The following RIC1 variants were observed in gnomAD, a reference collection of about 807,000 sequenced individuals.
RIC1 encodes the protein guanine nucleotide exchange factor subunit RIC1.
In RIC1, 88 loss-of-function variants were observed where a neutral mutation model predicts 169.0. The observed-to-expected ratio is 0.52, with a 90% confidence interval of 0.44 to 0.62. The LOEUF (loss-of-function observed/expected upper bound fraction) is 0.62. RIC1 is among the 20% of genes least tolerant of loss of function. RIC1 has a pLI of 0.00. For missense variants in RIC1, 1,877 were observed against 1,725.5 expected, an observed-to-expected ratio of 1.09 and a Z score of -1.56; for synonymous variants, 790 against 601.5, an observed-to-expected ratio of 1.31 and a Z score of -4.59.
At chr9:5,695,571 CTTTTTT>C (rs539521445) in intron 3 of RIC1, among the ~76,000 whole-genome samples, 1 of 128,746 alleles carries the variant, frequency 7.8e-6, no homozygotes. Context: ...ATTATTATAT[CTTTTTT>C]TTTTTTTTTT....
chr9:5,633,430 T>G (rs1364760940), intron 1 of RIC1, among the ~76,000 whole-genome samples: 5 of 152,178 alleles, frequency 3.3e-5, no homozygotes. Context: ...CACTCCCTTC[T>G]TGGAATGCTC....
rs369146757 is a variant in RIC1 at position 5,774,009 on chromosome 9, C to A, written c.4035C>A (p.Leu1345=). The change falls in exon 26 of 26, where the codon CTC becomes CTA. Residue 1345 remains leucine (L), a synonymous_variant. Transcript: ENST00000414202. ...TCATTAAGCCACAACTGCAGAAGCT[C>A]AGTGAGATAACAGAAGAGCAGGTCC... ...LNIIKPQLQK[L]SEITEEQVQP... 6 of 1,613,494 alleles carry A rather than the reference C, an allele frequency of 3.7e-6. No homozygotes were observed. The African/African-American group carries it at 8.0e-5, about 22-fold the overall frequency.
chr9:5,643,003 A>T (rs1483625947), intron 1 of RIC1, among the ~76,000 whole-genome samples: 1 of 152,168 alleles, frequency 6.6e-6, no homozygotes, highest in African/African-American at 2.4e-5. Flanking sequence ...GAATACAATA[A>T]AAACAATTTT....
At chr9:5,642,831 T>C (rs1270413987) in intron 1 of RIC1, among the ~76,000 whole-genome samples, 52 of 152,358 alleles carry the variant, frequency 3.4e-4, no homozygotes, top group Non-Finnish European at 2.9e-5. Flanking sequence ...TTTCCCAAAT[T>C]TAAGTTCTTT....
At chr9:5,705,899 A>G (rs527385080) in intron 3 of RIC1, among the ~76,000 whole-genome samples, 1 of 152,296 alleles carries the variant, frequency 6.6e-6, no homozygotes, top group African/African-American at 2.4e-5. Context: ...AATTGAAATC[A>G]TTCTGGGATT....
chr9:5,672,090 A>G (rs1167825825), intron 2 of RIC1, among the ~76,000 whole-genome samples: 1 of 152,206 alleles, frequency 6.6e-6, no homozygotes, highest in Non-Finnish European at 1.5e-5. Flanking sequence ...ACTCAGAGAC[A>G]GTGCCTGAGA....
At chr9:5,693,630 G>A (rs1329054940) in intron 3 of RIC1, among the ~76,000 whole-genome samples, 1 of 152,098 alleles carries the variant, frequency 6.6e-6, no homozygotes, top group Non-Finnish European at 1.5e-5. Context: ...GGAAATTTTA[G>A]TGAAATTAAT....
intron 1 of RIC1, among the ~76,000 whole-genome samples, chr9:5,655,686 C>CA (rs1819055953): frequency 6.6e-6 from 1 of 152,086 alleles, no homozygotes; most frequent in African/African-American, 2.4e-5. Flanking sequence ...TTTCTGTAGC[C>CA]TGTTGATGTG....
At chr9:5,727,904 G>T (rs906212744) in intron 6 of RIC1, among the ~76,000 whole-genome samples, 1 of 152,326 alleles carries the variant, frequency 6.6e-6, no homozygotes, top group Non-Finnish European at 1.5e-5. Flanking sequence ...TCTTCTGGAA[G>T]GTTCATCTTA....
rs765480459 is a variant in RIC1, at chr9:5,774,020, C to G, written c.4046C>G (p.Thr1349Arg). The change falls in exon 26 of 26, where the codon ACA becomes AGA. Residue 1349 changes from threonine to arginine, a missense_variant. By Grantham distance (71) the Thr-to-Arg change is moderately conservative. Around this residue, in one of 3 missense-constraint regions of RIC1, gnomAD observed 681 missense variants for 582.0 expected, o/e 1.17. Transcript: ENST00000414202. Reference protein sequence around the residue: ...KPQLQKLSEITEEQVQPDAFQ... With the variant: ...KPQLQKLSEIREEQVQPDAFQ... ...CAACTGCAGAAGCTCAGTGAGATAA[C>G]AGAAGAGCAGGTCCAGCCAGATGCC... 1 of 1,613,812 alleles carries G rather than the reference C, an allele frequency of 6.2e-7. No homozygotes were observed. The highest frequency in any genetic ancestry group is 1.7e-5 in the Admixed American group (1 of 59,988).
chr9:5,685,977 G>C (rs1280547754), intron 2 of RIC1, among the ~76,000 whole-genome samples: 1 of 152,032 alleles, frequency 6.6e-6, no homozygotes, highest in East Asian at 1.9e-4. Context: ...GACATGAACA[G>C]ACACTTCTGA....
intron 2 of RIC1, among the ~76,000 whole-genome samples, chr9:5,672,101 G>A (rs910587600): frequency 1.3e-5 from 2 of 152,212 alleles, no homozygotes; most frequent in Admixed American, 6.5e-5. Flanking sequence ...GTGCCTGAGA[G>A]GAGACTGCTG....
At chr9:5,718,828 C>G (rs1027555357) in intron 4 of RIC1, among the ~76,000 whole-genome samples, 3 of 152,218 alleles carry the variant, frequency 2.0e-5, no homozygotes, top group East Asian at 3.9e-4. Context: ...GGTAAAGAAA[C>G]ATCTGTTTCT....
At chr9:5,678,257 T>C (rs1346827575) in intron 2 of RIC1, among the ~76,000 whole-genome samples, 2 of 152,218 alleles carry the variant, frequency 1.3e-5, no homozygotes, top group Non-Finnish European at 2.9e-5. Flanking sequence ...TTGTTGGACA[T>C]TTGGCTTGGT....
chr9:5,681,736 A>G (rs1318979158), intron 2 of RIC1, among the ~76,000 whole-genome samples: 1 of 152,184 alleles, frequency 6.6e-6, no homozygotes. Context: ...TAATGGTGAC[A>G]GTGGGGTGTT....
chr9:5,713,158 C>T (rs1586998653), intron 3 of RIC1: 1 of 152,202 alleles, frequency 6.6e-6, no homozygotes, highest in Admixed American at 6.5e-5. Flanking sequence ...CTAATTGTTG[C>T]CACAAGTGAT....
intron 2 of RIC1, among the ~76,000 whole-genome samples, chr9:5,671,155 C>T (rs1325651527): frequency 6.6e-6 from 1 of 152,090 alleles, no homozygotes; most frequent in African/African-American, 2.4e-5. Flanking sequence ...TCAGGCTCCT[C>T]TCCTCCTCCT....
At chr9:5,697,368 G>C (rs1704838364) in intron 3 of RIC1, among the ~76,000 whole-genome samples, 1 of 152,138 alleles carries the variant, frequency 6.6e-6, no homozygotes, top group South Asian at 2.1e-4. Context: ...TGTGCTGCCT[G>C]CTGTCTCATG....
At position 5,689,999 on chromosome 9, in the gene RIC1, C is replaced by A; in HGVS notation, c.293C>A (p.Thr98Lys). ...ATCTTGTTTTTTCATATTACATCTACAAGAGGGGACAAGTACCTTTATGAA... is the reference window on the plus strand; with the variant it reads ...ATCTTGTTTTTTCATATTACATCTAAAAGAGGGGACAAGTACCTTTATGAA... ...GYILFFHITS[T>K]RGDKYLYEPV... The change falls in exon 3 of 26, where the codon ACA becomes AAA. Residue 98 changes from threonine (T) to lysine (K), a missense_variant. Transcript: ENST00000414202. 6.3e-7 allele frequency: 1 copy of A among 1,599,772 alleles called. No homozygotes were observed. Among genetic ancestry groups the A allele is most frequent in the Non-Finnish European group, 8.5e-7 (1 of 1,175,446 alleles).
Sources: allele counts gnomAD v4.1 joint callset (sites outside exome capture counted in the v4.1 genomes callset), GRCh38; gene constraint gnomAD v4.1.1; regional missense constraint gnomAD v4.1.1; transcripts MANE v1.5; gene names NCBI Gene and HGNC (gene_info 2026-07-23, HGNC 2026-07-21).